Variants in TLR5 observed in about 807,000 individuals in gnomAD.
TLR5 encodes the protein toll-like receptor 5.
For missense variants in TLR5, 944 were observed against 999.8 expected (o/e 0.94, Z 0.75); for synonymous variants, 373 against 384.4 (o/e 0.97, Z 0.35).
At chr1:223,125,795 C>T (rs1272637204) in intron 5 of TLR5, among the ~76,000 whole-genome samples, 1 of 152,190 alleles carries the variant, frequency 6.6e-6, no homozygotes, top group African/African-American at 2.4e-5. Flanking sequence ...TAAAAAATTA[C>T]AAATTTAGTT....
At chr1:223,128,521 C>T (rs1192464379) in intron 5 of TLR5, 1 of 148,268 alleles carries the variant, frequency 6.7e-6, no homozygotes, top group Non-Finnish European at 1.5e-5. Flanking sequence ...GTCGTTTATT[C>T]CTGACAATGG....
At chr1:223,129,820 G>C (rs1282140657) in intron 5 of TLR5, among the ~76,000 whole-genome samples, 1 of 152,182 alleles carries the variant, frequency 6.6e-6, no homozygotes, top group Non-Finnish European at 1.5e-5. Context: ...CGGGCTAAAC[G>C]TCTGACAACT....
Position 223,111,654 on chromosome 1 carries a change from A to C in TLR5, c.1378T>G (p.Phe460Val). 1 of 1,614,166 alleles carries C rather than the reference A, an allele frequency of 6.2e-7. No individual in the cohort carries two copies. Among genetic ancestry groups the C allele is most frequent in the Non-Finnish European group, 8.5e-7 (1 of 1,180,030 alleles). Reference sequence around the variant, plus strand: ...GTTTGATCTCCACTACAGGAGGAGAAGCGATTTTGATTTAAAATGAGAATC... The same window carrying C: ...GTTTGATCTCCACTACAGGAGGAGACGCGATTTTGATTTAAAATGAGAATC... ...LQILILNQNRFSSCSGDQTPS... is the reference protein window; with the variant it reads ...LQILILNQNRVSSCSGDQTPS... The change falls in exon 6 of 6, where the codon TTC becomes GTC. Residue 460 changes from phenylalanine (F) to valine (V), a missense_variant. Phe to Val is a conservative substitution (Grantham distance 50, BLOSUM62 -1). Coordinates refer to ENST00000642603, the MANE Select transcript of TLR5 (RefSeq NM_003268.6).
intron 5 of TLR5, among the ~76,000 whole-genome samples, chr1:223,115,201 T>C (rs1656566157): frequency 6.6e-6 from 1 of 152,218 alleles, no homozygotes; most frequent in African/African-American, 2.4e-5. Context: ...TTCTCCTCAA[T>C]AACTCATTAA....
rs1000240065 is a variant in TLR5, at chr1:223,111,188, G to A, written c.1844C>T (p.Ser615Leu). The A allele has an allele frequency of 1.9e-6, 3 of 1,614,064 alleles. No homozygotes were observed. The highest frequency in any genetic ancestry group is 2.5e-6 in the Non-Finnish European group (3 of 1,180,030). ...AGAGAAGAGGGAAACCCCAGAGAAC[G>A]AGTCAGGGTACACACAATATATGTC... ...PADIYCVYPDSFSGVSLFSLS... is the reference protein window; with the variant it reads ...PADIYCVYPDLFSGVSLFSLS... Residue 615 changes from serine (S) to leucine (L), a missense_variant, in exon 6 of 6, where the codon TCG becomes TTG. Ser to Leu is a moderately radical substitution (Grantham distance 145, BLOSUM62 -2). Transcript: ENST00000642603.
intron 5 of TLR5, among the ~76,000 whole-genome samples, chr1:223,114,070 G>A (rs550626833): frequency 2.0e-5 from 3 of 152,184 alleles, no homozygotes; most frequent in Non-Finnish European, 4.4e-5. Flanking sequence ...AGATGTGATC[G>A]GTTTAATAAA....
chr1:223,123,553 C>T (rs1221542852), intron 5 of TLR5: 2 of 152,142 alleles, frequency 1.3e-5, no homozygotes, highest in Non-Finnish European at 2.9e-5. Flanking sequence ...CATGAAATAA[C>T]GAGATTTTTG....
chr1:223,119,113 G>T (rs191986059), intron 5 of TLR5, among the ~76,000 whole-genome samples: 2 of 152,048 alleles, frequency 1.3e-5, no homozygotes, highest in Non-Finnish European at 2.9e-5. Flanking sequence ...CAAAAGAAAA[G>T]AAAAGAAATG....
intron 2 of TLR5, among the ~76,000 whole-genome samples, chr1:223,139,052 G>T (rs1004397569): frequency 6.6e-6 from 1 of 152,240 alleles, no homozygotes; most frequent in East Asian, 1.9e-4. Flanking sequence ...CTTCCACAAT[G>T]ATTGTGAGGC....
chr1:223,110,962 C>G lies in TLR5; in HGVS notation c.2070G>C (p.Met690Ile). 6.2e-7 allele frequency: 1 copy of G among 1,614,232 alleles called. No homozygotes were observed. The highest frequency in any genetic ancestry group is 8.5e-7 in the Non-Finnish European group (1 of 1,180,048). ...KDHPQGTEPDMYKYDAYLCFS... is the reference protein window; with the variant it reads ...KDHPQGTEPDIYKYDAYLCFS... ...AGCACAAATAGGCATCATATTTGTA[C>G]ATATCAGGTTCTGTGCCCTGGGGAT... Residue 690 changes from methionine to isoleucine, a missense_variant, in exon 6 of 6, where the codon ATG (methionine) becomes ATC (isoleucine). Transcript: ENST00000642603.
chr1:223,138,012 G>A (rs2102940730), intron 2 of TLR5, among the ~76,000 whole-genome samples: 1 of 120,056 alleles, frequency 8.3e-6, no homozygotes, highest in Admixed American at 1.1e-4. Context: ...AGACTGGAGT[G>A]AAGTGGTGCG....
At chr1:223,132,427 CACACAG>C (rs1478450405) in intron 5 of TLR5, 42 bp downstream of exon 5, 2 of 152,302 alleles carry the variant, frequency 1.3e-5, no homozygotes, top group Admixed American at 6.6e-5. Flanking sequence ...GTATCATACA[CACACAG>C]ACACAGACAC....
Position 223,111,320 on chromosome 1 carries a change from A to G in TLR5, c.1712T>C (p.Leu571Pro). ...GTTATGAGTTATATCCAAGACACTA[A>G]GTGATACAAATACATCAGGATTAGG... ...LAPNPDVFVS[L>P]SVLDITHNKF... The change falls in exon 6 of 6, where the codon CTT becomes CCT. Residue 571 changes from leucine (L) to proline (P), a missense_variant. Coordinates refer to ENST00000642603, the MANE Select transcript of TLR5 (RefSeq NM_003268.6). 6.2e-7 allele frequency: 1 copy of G among 1,614,206 alleles called. No individual in the cohort carries two copies. Among genetic ancestry groups the G allele is most frequent in the East Asian group, 2.2e-5 (1 of 44,880 alleles).
chr1:223,110,196 A>C lies in TLR5; in HGVS notation c.*259T>G. 1.9e-6 allele frequency: 1 copy of C among 516,466 alleles called. No homozygotes were observed. The highest frequency in any genetic ancestry group is 3.5e-6 in the Non-Finnish European group (1 of 288,974). The allele number at this position is 516,466 out of a possible 1,614,324, so 32.0% of individuals were successfully genotyped here. A position where few individuals can be genotyped will look rare whatever the true frequency, so the allele number is the denominator to read the frequency against. On this transcript the variant is annotated 3_prime_UTR_variant, in exon 6 of 6. Transcript: ENST00000642603. ...AATCAACACAGCAGGACAGAACGGT[A>C]TTATTGGATCTGAAAGAAAATCAAT...
intron 5 of TLR5, among the ~76,000 whole-genome samples, chr1:223,117,022 C>T (rs773221392): frequency 2.2e-4 from 33 of 152,268 alleles, no homozygotes; most frequent in Non-Finnish European, 3.7e-4. Context: ...GGGCGGCGCC[C>T]GTTGGGGAGG....
At chr1:223,125,463 C>A (rs1657128419) in intron 5 of TLR5, among the ~76,000 whole-genome samples, 2 of 152,166 alleles carry the variant, frequency 1.3e-5, no homozygotes, top group Admixed American at 1.3e-4. Flanking sequence ...TCTCAGTGTT[C>A]TCATGTTTCA....
chr1:223,119,224 C>T (rs1231663747), intron 5 of TLR5, among the ~76,000 whole-genome samples: 1 of 152,106 alleles, frequency 6.6e-6, no homozygotes, highest in Non-Finnish European at 1.5e-5. Flanking sequence ...CAGAATCAGC[C>T]AGCATCCACA....
In TLR5 at chr1:223,112,086, C is replaced by T; in HGVS notation, c.946G>A (p.Val316Ile). 6.2e-7 allele frequency: 1 copy of T among 1,614,194 alleles called. No homozygotes were observed. Among genetic ancestry groups the T allele is most frequent in the African/African-American group, 1.3e-5 (1 of 75,046 alleles). ...RVFETLKDLK[V>I]LNLAYNKINK... ...ATCTTGTTGTAGGCAAGGTTCAGAA[C>T]CTTCAAATCCTTGAGTGTCTCAAAG... Residue 316 changes from valine to isoleucine, a missense_variant, in exon 6 of 6, where the codon GTT (valine) becomes ATT (isoleucine). By Grantham distance (29) the Val-to-Ile change is conservative (BLOSUM62 3). Coordinates refer to ENST00000642603, the MANE Select transcript of TLR5 (RefSeq NM_003268.6).
chr1:223,110,728 G>T lies in TLR5; in HGVS notation c.2304C>A (p.Cys768Ter). Reference protein sequence around the residue: ...VSRHFLRDGWCLEAFSYAQGR... With the variant: ...VSRHFLRDGW ...CCTGGGCATAACTGAAGGCTTCAAG[G>T]CACCAGCCATCTCTAAGGAAGTGTC... Residue 768 changes from cysteine (C) to a stop codon, truncating the protein, a stop_gained, in exon 6 of 6, where the codon TGC becomes TGA. Transcript: ENST00000642603. LOFTEE classifies it low-confidence loss of function (END_TRUNC). The T allele has an allele frequency of 1.9e-6, 3 of 1,614,132 alleles. No homozygotes were observed. Among genetic ancestry groups the T allele is most frequent in the Non-Finnish European group, 2.5e-6 (3 of 1,180,024 alleles).
Sources: allele counts gnomAD v4.1 joint callset (sites outside exome capture counted in the v4.1 genomes callset), GRCh38; gene constraint gnomAD v4.1.1; transcripts MANE v1.5; gene names NCBI Gene and HGNC (gene_info 2026-07-23, HGNC 2026-07-21).